MINK1: variants seen among roughly 807,000 people sequenced by gnomAD.
MINK1 encodes the protein misshapen like kinase 1, also known as misshapen-like kinase 1.
MINK1 carries 46 observed loss-of-function variants against 178.4 expected under a neutral mutation model. The ratio of observed to expected loss-of-function variants is 0.26; its 90% CI spans 0.20 to 0.33. MINK1 has a LOEUF of 0.33. MINK1 is among the 10% of genes least tolerant of loss of function. The probability of loss-of-function intolerance (pLI) is 1.00; values close to 1 mark genes in which losing one functional copy is unlikely to be tolerated. For missense variants in MINK1, 1,366 were observed against 1,814.9 expected, an observed-to-expected ratio of 0.75 and a Z score of 4.49; for synonymous variants, 797 against 709.7, an observed-to-expected ratio of 1.12 and a Z score of -1.96.
In MINK1 at chr17:4,897,422, G is replaced by GTGACCTCTGAC. The variant is rs1257904413; in HGVS notation, c.*136_*146dup. ...GATTTCACTGGAGCCTGCTGGGAAC[G>GTGACCTCTGAC]TGACCTCTGACCCCTGATGCTTTCG... On this transcript the variant is annotated 3_prime_UTR_variant, in exon 32 of 32. Coordinates refer to ENST00000355280, the MANE Select transcript of MINK1 (RefSeq NM_153827.5). The GTGACCTCTGAC allele has an allele frequency of 2.7e-6, 2 of 739,670 alleles. No individual in the cohort carries two copies. Among genetic ancestry groups the GTGACCTCTGAC allele is most frequent in the African/African-American group, 3.5e-5 (2 of 56,694 alleles). 45.8% of individuals were successfully genotyped at this position (739,670 alleles called of 1,614,324 possible). A position where few individuals can be genotyped will look rare whatever the true frequency, so the allele number is the denominator to read the frequency against.
rs968720821 is a variant in MINK1 at position 4,898,058 on chromosome 17, A to AC, written c.*773dup. The stretch of plus-strand genomic sequence containing the variant: ...AATAAAGACAATTCAACCAGCTCCC[A>AC]CCATGCAGGCCGCATGTCCTTGCTT... On this transcript the variant is annotated 3_prime_UTR_variant, in exon 32 of 32. Coordinates refer to ENST00000355280, the MANE Select transcript of MINK1 (RefSeq NM_153827.5). 1.4e-5 allele frequency: 2 copies of AC among 140,816 alleles called. No individual in the cohort carries two copies. The highest frequency in any genetic ancestry group is 5.2e-5 in the African/African-American group (2 of 38,282). The allele number at this position is 140,816 out of a possible 1,614,324, so 8.7% of individuals were successfully genotyped here. A position where few individuals can be genotyped will look rare whatever the true frequency, so the allele number is the denominator to read the frequency against.
In MINK1 at chr17:4,858,803, C is replaced by T. The variant is rs571982626; in HGVS notation, c.58-19514C>T. ...CTATCACAGGTTTCTCAGAATCTTT[C>T]TGGCTGCTGTATAGTCAGTCCTGGT... On this transcript the variant is annotated intron_variant, in intron 1 of 31. Coordinates refer to ENST00000355280, the MANE Select transcript of MINK1 (RefSeq NM_153827.5). Among the ~76,000 whole-genome samples, 11 of 152,328 alleles carry T rather than the reference C, an allele frequency of 7.2e-5. No homozygotes were observed. In the South Asian group the frequency reaches 1.4e-3, roughly 20 times the overall value.
chr17:4,850,014 G>A (rs552851231), intron 1 of MINK1, among the ~76,000 whole-genome samples: 39 of 152,118 alleles, frequency 2.6e-4, no homozygotes, highest in African/African-American at 8.0e-4. Flanking sequence ...TGGCGCAAGC[G>A]TGGCTCACTG....
intron 1 of MINK1, among the ~76,000 whole-genome samples, chr17:4,853,292 TTGG>T (rs1912467861): frequency 1.6e-5 from 1 of 62,654 alleles, no homozygotes; most frequent in African/African-American, 7.1e-5. Flanking sequence ...GGTAGAGTGG[TTGG>T]TGGGGGAGTG....
intron 2 of MINK1, 87 bp from the exon 3 acceptor site, chr17:4,880,897 C>T: frequency 7.6e-7 from 1 of 1,324,288 alleles, no homozygotes; most frequent in Non-Finnish European, 1.0e-6. Flanking sequence ...GAGACCCTGT[C>T]TCAAAAAAAA....
Position 4,897,055 on chromosome 17 carries a change from C to A in MINK1, c.3916-149C>A, listed in dbSNP as rs570266633. ...CCCCTAACATCCCAGCCTGCCTTTC[C>A]TCCGGGTGAGGGGCACTGTGAGTCT... On this transcript the variant is annotated intron_variant, in intron 31 of 31. Coordinates refer to ENST00000355280, the MANE Select transcript of MINK1 (RefSeq NM_153827.5). The A allele has an allele frequency of 6.8e-6, 6 of 879,492 alleles. No homozygotes were observed. The East Asian group carries it at 1.1e-4, about 16-fold the overall frequency. 54.5% of individuals were successfully genotyped at this position (879,492 alleles called of 1,614,324 possible).
At chr17:4,878,439 A>G in intron 2 of MINK1, 57 bp downstream of exon 2, 1 of 1,437,100 alleles carries the variant, frequency 7.0e-7, no homozygotes, top group Admixed American at 2.0e-5. Context: ...TCTTGGGAGG[A>G]GTGGAAGGAA....
Position 4,897,304 on chromosome 17 carries a change from G to C in MINK1, c.*17G>C. On this transcript the variant is annotated 3_prime_UTR_variant, in exon 32 of 32. Transcript: ENST00000355280. The stretch of plus-strand genomic sequence containing the variant: ...AACTGGTGACGGGGCCCTGGGCTGG[G>C]GCTGTCCCACACTGGACCCAGCTCT... 6.2e-7 allele frequency: 1 copy of C among 1,612,130 alleles called. No homozygotes were observed. Among genetic ancestry groups the C allele is most frequent in the South Asian group, 1.1e-5 (1 of 90,986 alleles).
chr17:4,837,390 G>C (rs906799593), intron 1 of MINK1, among the ~76,000 whole-genome samples: 8 of 152,130 alleles, frequency 5.3e-5, no homozygotes, highest in Admixed American at 2.0e-4. Context: ...TAAACCCCAG[G>C]CTTCTTAGGC....
chr17:4,897,022 C>T, intron 31 of MINK1, 182 bp from the exon 32 acceptor site: 1 of 871,816 alleles, frequency 1.1e-6, no homozygotes, highest in South Asian at 1.8e-5. Flanking sequence ...GCGAGTGGTG[C>T]ACCCTCTCCC....
intron 1 of MINK1, among the ~76,000 whole-genome samples, chr17:4,842,694 G>A (rs933332469): frequency 7.9e-5 from 12 of 152,252 alleles, no homozygotes; most frequent in Non-Finnish European, 1.8e-4. Context: ...TCAGGAAAGA[G>A]TCTTCAAGAA....
intron 4 of MINK1, among the ~76,000 whole-genome samples, chr17:4,881,740 CAG>C (rs1199221420): frequency 6.6e-6 from 1 of 152,254 alleles, no homozygotes; most frequent in Non-Finnish European, 1.5e-5. Flanking sequence ...TCATTCAAAA[CAG>C]AGCCTGCTGC....
intron 4 of MINK1, among the ~76,000 whole-genome samples, chr17:4,882,637 G>A (rs966646885): frequency 1.3e-5 from 2 of 152,156 alleles, no homozygotes; most frequent in African/African-American, 2.4e-5. Flanking sequence ...CAGGCTTTGC[G>A]GGTCATATTT....
In MINK1 at chr17:4,894,359, T is replaced by C. The variant is rs764062680; in HGVS notation, c.2808+48T>C. 2.5e-6 allele frequency: 4 copies of C among 1,590,188 alleles called. No homozygotes were observed. In the South Asian group the frequency reaches 3.4e-5, roughly 14 times the overall value. ...CGCCGGGAGAGAAGAGCCCTGGCGA[T>C]GGGCAGGAGGTCCCGGTGCTGGGTA... On this transcript the variant is annotated intron_variant, in intron 23 of 31. Coordinates refer to ENST00000355280, the MANE Select transcript of MINK1 (RefSeq NM_153827.5). This position sits in a 1 kb window ranked among gnomAD's most constrained non-coding sequence, Gnocchi z 4.1.
At chr17:4,861,751 T>C in intron 1 of MINK1, 1 of 200,068 alleles carries the variant, frequency 5.0e-6, no homozygotes, top group South Asian at 5.3e-5. Flanking sequence ...TCCACTCGCC[T>C]CAGCCTCCCA....
At position 4,887,654 on chromosome 17, in the gene MINK1, A is replaced by G; in HGVS notation, c.1094A>G (p.Asn365Ser). Reference sequence around the variant, plus strand: ...CGGCTCCAGCAGGAAAATAAGAGCAACTCAGAGGCTTTAAAACAGCAGCAG... The same window carrying G: ...CGGCTCCAGCAGGAAAATAAGAGCAGCTCAGAGGCTTTAAAACAGCAGCAG... ...FLRLQQENKS[N>S]SEALKQQQQL... Residue 365 changes from asparagine to serine, a missense_variant, in exon 12 of 32, where the codon AAC (asparagine) becomes AGC (serine). Asn to Ser is a conservative substitution (Grantham distance 46). This residue lies in a region of MINK1 where 56 missense variants were observed against 64.0 expected (regional missense o/e 0.87). Transcript: ENST00000355280. The surrounding 1 kb of genome is among the most constrained non-coding windows in gnomAD (Gnocchi z 7.6). 1 of 1,569,118 alleles carries G rather than the reference A, an allele frequency of 6.4e-7. No individual in the cohort carries two copies. Among genetic ancestry groups the G allele is most frequent in the Non-Finnish European group, 8.6e-7 (1 of 1,158,596 alleles).
intron 1 of MINK1, among the ~76,000 whole-genome samples, chr17:4,865,792 G>A (rs981243233): frequency 6.6e-6 from 1 of 151,470 alleles, no homozygotes; most frequent in Non-Finnish European, 1.5e-5. Flanking sequence ...TTACCTGGTA[G>A]GCTAGGGCAG....
rs777186605 is a variant in MINK1, at chr17:4,887,484, TC to T, written c.1020-94del. 72 of 1,183,274 alleles carry T rather than the reference TC, an allele frequency of 6.1e-5. No homozygotes were observed. The highest frequency in any genetic ancestry group is 1.5e-4 in the Admixed American group (5 of 34,128). 73.3% of individuals were successfully genotyped at this position (1,183,274 alleles called of 1,614,324 possible). A position where few individuals can be genotyped will look rare whatever the true frequency, so the allele number is the denominator to read the frequency against. On this transcript the variant is annotated intron_variant, in intron 11 of 31. Transcript: ENST00000355280. This position sits in a 1 kb window ranked among gnomAD's most constrained non-coding sequence, Gnocchi z 7.6. ...GAGTGGCCAGAGGCAGAGGCTTTGA[TC>T]CAGTTAAAGCACCCACTCAGGCGGG...
intron 1 of MINK1, among the ~76,000 whole-genome samples, chr17:4,845,417 G>A (rs1039949637): frequency 6.6e-6 from 1 of 152,092 alleles, no homozygotes; most frequent in African/African-American, 2.4e-5. Flanking sequence ...GGGGTCTGAT[G>A]GGTAGGTGCT....
Sources: gnomAD v4.1 joint callset for allele counts (sites outside exome capture counted in the v4.1 genomes callset) on GRCh38, gnomAD v4.1.1 for gene constraint, gnomAD v4.1.1 regional missense constraint, Gnocchi (gnomAD v3.1) non-coding constraint, MANE v1.5 for transcripts, NCBI Gene and HGNC (gene_info 2026-07-23, HGNC 2026-07-21) for gene names.